Variants in NTM observed in about 807,000 individuals in gnomAD.
NTM encodes the protein IgLON family member 2.
A neutral mutation model predicts 42.1 loss-of-function variants in NTM; 13 were observed. The ratio of observed to expected loss-of-function variants is 0.31; its 90% CI spans 0.20 to 0.49. The LOEUF (loss-of-function observed/expected upper bound fraction) is 0.49, where lower values mean the gene tolerates loss of function less well. Among genes scored for constraint, NTM ranks in the 20% least tolerant of loss-of-function variants. The pLI, the probability that NTM is intolerant of heterozygous loss-of-function variation, is 0.99. For synonymous variants in NTM, 187 were observed against 179.2 expected (o/e 1.04, Z -0.35); for missense variants, 373 against 452.8 (o/e 0.82, Z 1.60).
rs551998243 is a variant in NTM, at chr11:131,863,982, T to C, written c.83-47582T>C. Among the ~76,000 whole-genome samples the C allele has an allele frequency of 2.0e-5, 3 of 152,236 alleles. No individual in the cohort carries two copies. The South Asian group carries it at 6.2e-4, about 32-fold the overall frequency. ...CCAAAAGTGCACCTGATGAATTTCC[T>C]TGTAGAAATGGAGTGTTGGCAGAAT... On this transcript the variant is annotated intron_variant, in intron 1 of 8. Transcript: ENST00000683400.
intron 4 of NTM, among the ~76,000 whole-genome samples, chr11:132,279,310 T>TC (rs1461651276): frequency 2.0e-5 from 3 of 152,270 alleles, no homozygotes; most frequent in Non-Finnish European, 4.4e-5. Context: ...GCTATTTCTC[T>TC]CATGAATCCA....
intron 1 of NTM, among the ~76,000 whole-genome samples, chr11:131,622,244 G>A (rs1018044244): frequency 2.0e-5 from 3 of 152,278 alleles, no homozygotes; most frequent in South Asian, 2.1e-4. Flanking sequence ...GTGACCTGAC[G>A]GGTACCCGTG....
intron 1 of NTM, among the ~76,000 whole-genome samples, chr11:131,448,109 T>A (rs1950203405): frequency 6.6e-6 from 1 of 152,164 alleles, no homozygotes; most frequent in Non-Finnish European, 1.5e-5. Flanking sequence ...CACGTGCGAG[T>A]GTGGTAGCCC....
At chr11:131,644,592 C>T (rs1416347786) in intron 1 of NTM, among the ~76,000 whole-genome samples, 3 of 152,184 alleles carry the variant, frequency 2.0e-5, no homozygotes, top group Non-Finnish European at 2.9e-5. Context: ...ATGCGGTATA[C>T]CAGCAGGAAT....
chr11:131,684,351 C>A (rs918850774), intron 1 of NTM, among the ~76,000 whole-genome samples: 3 of 152,194 alleles, frequency 2.0e-5, no homozygotes, highest in African/African-American at 2.4e-5. Flanking sequence ...TAGTCACACA[C>A]CCCCTCCCCA....
At chr11:132,214,546 T>C (rs1282029927) in intron 4 of NTM, among the ~76,000 whole-genome samples, 1 of 152,198 alleles carries the variant, frequency 6.6e-6, no homozygotes, top group Non-Finnish European at 1.5e-5. Context: ...TGGCTTTCTC[T>C]TGCAGCGTCT....
chr11:131,789,651 G>A (rs1479710596), intron 1 of NTM, among the ~76,000 whole-genome samples: 2 of 137,670 alleles, frequency 1.5e-5, no homozygotes, highest in Non-Finnish European at 3.2e-5. Context: ...AGAAGAAGAA[G>A]AAGAAGAAGA....
intron 1 of NTM, among the ~76,000 whole-genome samples, chr11:131,787,382 T>TTATTC (rs1223412614): frequency 5.0e-5 from 1 of 19,808 alleles, no homozygotes; most frequent in African/African-American, 2.1e-4. Flanking sequence ...TATTATTATT[T>TTATTC]TATTTTTATT....
chr11:131,505,862 A>C (rs771210415), intron 1 of NTM, among the ~76,000 whole-genome samples: 30 of 152,256 alleles, frequency 2.0e-4, no homozygotes, highest in Admixed American at 5.2e-4. Context: ...TAGCTGTGTG[A>C]TCCCGCGCAA....
intron 1 of NTM, among the ~76,000 whole-genome samples, chr11:131,464,586 C>T (rs1046321832): frequency 6.6e-6 from 1 of 152,180 alleles, no homozygotes; most frequent in Non-Finnish European, 1.5e-5. Flanking sequence ...TGCCCCCTCC[C>T]CAACTCCCAA....
chr11:131,998,620 C>T (rs555988998), intron 2 of NTM, among the ~76,000 whole-genome samples: 1 of 152,272 alleles, frequency 6.6e-6, no homozygotes, highest in South Asian at 2.1e-4. Context: ...GTTAGAGAGA[C>T]ACAATCTCAT....
At chr11:132,073,457 G>C (rs1315388836) in intron 2 of NTM, among the ~76,000 whole-genome samples, 1 of 152,166 alleles carries the variant, frequency 6.6e-6, no homozygotes, top group Non-Finnish European at 1.5e-5. Flanking sequence ...CCCTGGTAAA[G>C]GTAACCTTTG....
intron 2 of NTM, among the ~76,000 whole-genome samples, chr11:132,009,796 G>A (rs1306288860): frequency 1.3e-5 from 2 of 152,134 alleles, no homozygotes; most frequent in East Asian, 1.9e-4. Context: ...ATCCGTCATC[G>A]GTGTGTTTTG....
rs375571623 is a variant in NTM at position 132,237,641 on chromosome 11, G to C, written c.526+25494G>C. On this transcript the variant is annotated intron_variant, in intron 4 of 8. Transcript: ENST00000683400. ...CACTGTGGAGACGGAGGTGGGGTGC[G>C]TCCCAATGCTAGTCCCTCTCTCTGG... is the stretch of plus-strand genomic sequence containing the variant. Among the ~76,000 whole-genome samples the C allele has an allele frequency of 2.8e-4, 42 of 152,192 alleles. No individual in the cohort carries two copies. The South Asian group carries it at 6.6e-3, about 24-fold the overall frequency.
rs1329816054 is a variant in NTM at position 131,681,458 on chromosome 11, C to T, written c.83-230106C>T. 4.3e-3 allele frequency among the ~76,000 whole-genome samples: 6 copies of T among 1,402 alleles called. 2 individuals carry two copies. The highest frequency in any genetic ancestry group is 0.014 in the African/African-American group (6 of 414). 0.9% of individuals were successfully genotyped at this position (1,402 alleles called of 152,430 possible). On this transcript the variant is annotated intron_variant, in intron 1 of 8. Coordinates refer to ENST00000683400, the MANE Select transcript of NTM (RefSeq NM_001352005.2). ...GTGTCTGTATGTCTGTGTGTGTGAG[C>T]GTGTGTGTTTCTGTGTCTGTGTGTA...
chr11:131,595,877 A>G (rs1198253741), intron 1 of NTM, among the ~76,000 whole-genome samples: 2 of 152,240 alleles, frequency 1.3e-5, no homozygotes, highest in Non-Finnish European at 2.9e-5. Context: ...ACTTCTGTTG[A>G]ACAAAAAGCA....
chr11:131,644,585 C>G (rs113774611), intron 1 of NTM, among the ~76,000 whole-genome samples: 2,286 of 152,242 alleles, frequency 0.015, 39 homozygotes, highest in Non-Finnish European at 0.018. Context: ...GATAACAATG[C>G]GGTATACCAG....
chr11:131,844,857 C>T (rs904318003), intron 1 of NTM, among the ~76,000 whole-genome samples: 7 of 152,082 alleles, frequency 4.6e-5, no homozygotes, highest in African/African-American at 1.7e-4. Flanking sequence ...TCTAATTAAT[C>T]ATTAGATTCA....
At chr11:131,777,386 T>C (rs2087205032) in intron 1 of NTM, among the ~76,000 whole-genome samples, 1 of 151,894 alleles carries the variant, frequency 6.6e-6, no homozygotes, top group African/African-American at 2.4e-5. Flanking sequence ...TTTTTAAAGT[T>C]GTGAGATACA....
Sources: allele counts gnomAD v4.1 joint callset (sites outside exome capture counted in the v4.1 genomes callset), GRCh38; gene constraint gnomAD v4.1.1; transcripts MANE v1.5; gene names NCBI Gene and HGNC (gene_info 2026-07-23, HGNC 2026-07-21).